The following KDM2A variants were observed in gnomAD, a reference collection of about 807,000 sequenced individuals.
The protein encoded by KDM2A is lysine-specific demethylase 2A.
Under a neutral mutation model 137.3 loss-of-function variants are expected in KDM2A, and 3 were observed. That is an observed-to-expected ratio of 0.02 (90% CI 0.01 to 0.06). The LOEUF (loss-of-function observed/expected upper bound fraction) is 0.06. Ranked by LOEUF, KDM2A falls within the 10% of genes least tolerant of loss-of-function variation. The pLI, the probability that KDM2A is intolerant of heterozygous loss-of-function variation, is 1.00. For missense variants in KDM2A, 738 were observed against 1,510.6 expected, an observed-to-expected ratio of 0.49 and a Z score of 8.48; for synonymous variants, 512 against 541.5, an observed-to-expected ratio of 0.95 and a Z score of 0.76.
chr11:67,191,765 AG>A (rs1857360115), intron 5 of KDM2A, among the ~76,000 whole-genome samples: 1 of 152,238 alleles, frequency 6.6e-6, no homozygotes, highest in South Asian at 2.1e-4. Flanking sequence ...AAAGCATTTA[AG>A]ATCAGGAACA....
chr11:67,187,373 A>G (rs2136344351), intron 5 of KDM2A, among the ~76,000 whole-genome samples: 1 of 152,240 alleles, frequency 6.6e-6, no homozygotes, highest in Non-Finnish European at 1.5e-5. Flanking sequence ...ATGGATAAAA[A>G]TGGCATGACA....
intron 2 of KDM2A, among the ~76,000 whole-genome samples, chr11:67,128,759 T>G (rs1855786865): frequency 6.6e-6 from 1 of 152,238 alleles, no homozygotes; most frequent in African/African-American, 2.4e-5. Context: ...AGTATAAGCT[T>G]CTTGAGAGTT....
intron 10 of KDM2A, among the ~76,000 whole-genome samples, chr11:67,222,295 C>T (rs1590801217): frequency 2.8e-5 from 2 of 71,170 alleles, no homozygotes; most frequent in Admixed American, 3.1e-4. Context: ...ATGCTGCCTT[C>T]AAGCATCTGT....
intron 12 of KDM2A, chr11:67,240,501 C>A (rs774690714): frequency 1.6e-4 from 119 of 752,504 alleles, no homozygotes; most frequent in Non-Finnish European, 2.4e-4. Context: ...CTTCGTGTTG[C>A]TTGAGCCGTC....
At chr11:67,170,390 T>G (rs1291448006) in intron 2 of KDM2A, among the ~76,000 whole-genome samples, 1 of 149,956 alleles carries the variant, frequency 6.7e-6, no homozygotes, top group Admixed American at 6.6e-5. Context: ...GCATGGGGTT[T>G]TTTTTTTTTC....
Position 67,158,572 on chromosome 11 carries a change from T to G in KDM2A, c.43-21507T>G, listed in dbSNP as rs559159197. Among the ~76,000 whole-genome samples the G allele has an allele frequency of 6.6e-5, 10 of 152,344 alleles. No individual in the cohort carries two copies. In the East Asian group the frequency reaches 1.3e-3, roughly 21 times the overall value. On this transcript the variant is annotated intron_variant, in intron 2 of 20. Coordinates refer to ENST00000529006, the MANE Select transcript of KDM2A (RefSeq NM_012308.3). ...TTTACCTCCTTGCCAGCATTTGGTG[T>G]TGTATTTTCAATTTTGACCGTTGTG...
Position 67,168,951 on chromosome 11 carries a change from G to GT in KDM2A, c.43-11106dup, listed in dbSNP as rs11335055. ...CAAAGATTCAGATTTAATCCATGTAGTTTTTTTTTTTTTTTTTTTTTTGAG... is the reference window on the plus strand; with the variant it reads ...CAAAGATTCAGATTTAATCCATGTAGTTTTTTTTTTTTTTTTTTTTTTTGAG... On this transcript the variant is annotated intron_variant, in intron 2 of 20. Transcript: ENST00000529006. Among the ~76,000 whole-genome samples the GT allele has an allele frequency of 3.8e-3, 235 of 62,174 alleles. 2 individuals are homozygous for GT. The highest frequency in any genetic ancestry group is 0.011 in the African/African-American group (177 of 16,544). 40.8% of individuals were successfully genotyped at this position (62,174 alleles called of 152,430 possible).
rs1313502765 is a variant in KDM2A at position 67,250,837 on chromosome 11, G to C, written c.2768+39G>C. On this transcript the variant is annotated intron_variant, in intron 17 of 20. Coordinates refer to ENST00000529006, the MANE Select transcript of KDM2A (RefSeq NM_012308.3). This position sits in a 1 kb window ranked among gnomAD's most constrained non-coding sequence, Gnocchi z 7.1. ...CAGGGGGTCAGGAATTAGGGGTATGGGAGTAGGTGGCAGGTTTTCCATATG... is the reference window on the plus strand; with the variant it reads ...CAGGGGGTCAGGAATTAGGGGTATGCGAGTAGGTGGCAGGTTTTCCATATG... 1 of 1,454,586 alleles carries C rather than the reference G, an allele frequency of 6.9e-7. No homozygotes were observed. Among genetic ancestry groups the C allele is most frequent in the Non-Finnish European group, 9.3e-7 (1 of 1,077,796 alleles). 90.1% of individuals were successfully genotyped at this position (1,454,586 alleles called of 1,614,324 possible).
intron 10 of KDM2A, among the ~76,000 whole-genome samples, chr11:67,224,828 ATTTTTTTT>A (rs764581976): frequency 6.0e-5 from 4 of 66,300 alleles, no homozygotes; most frequent in African/African-American, 8.3e-5. Flanking sequence ...CAGCTGCAGC[ATTTTTTTT>A]TTTTTTTTTT....
chr11:67,134,045 T>G (rs1315389125), intron 2 of KDM2A, among the ~76,000 whole-genome samples: 1 of 152,206 alleles, frequency 6.6e-6, no homozygotes, highest in African/African-American at 2.4e-5. Context: ...AGTTGTACAG[T>G]GTGCTTTCTG....
At chr11:67,170,615 A>G (rs1440503080) in intron 2 of KDM2A, among the ~76,000 whole-genome samples, 6 of 151,798 alleles carry the variant, frequency 4.0e-5, no homozygotes, top group Non-Finnish European at 8.8e-5. Flanking sequence ...GGGTTTCACC[A>G]TGTTAGCCAG....
chr11:67,185,637 CAAAAA>C (rs35825424), intron 5 of KDM2A, among the ~76,000 whole-genome samples: 1 of 102,620 alleles, frequency 9.7e-6, no homozygotes, highest in Non-Finnish European at 2.1e-5. Flanking sequence ...AACTCTGTCG[CAAAAA>C]AAAAAAAAAA....
At position 67,245,879 on chromosome 11, in the gene KDM2A, T is replaced by G; in HGVS notation, c.1834-106T>G. 7.6e-7 allele frequency: 1 copy of G among 1,320,684 alleles called. No individual in the cohort carries two copies. Among genetic ancestry groups the G allele is most frequent in the Non-Finnish European group, 1.1e-6 (1 of 950,948 alleles). The allele number at this position is 1,320,684 out of a possible 1,614,324, so 81.8% of individuals were successfully genotyped here. On this transcript the variant is annotated intron_variant, in intron 14 of 20. Transcript: ENST00000529006. This position sits in a 1 kb window ranked among gnomAD's most constrained non-coding sequence, Gnocchi z 4.1. ...CCCTGCCTCCATGCTTCCAGGTGTT[T>G]AGTAGAGAATTATAGGACCCAAATC...
rs1397547890 is a variant in KDM2A at position 67,245,824 on chromosome 11, T to G, written c.1834-161T>G. The G allele has an allele frequency of 1.2e-6, 1 of 814,068 alleles. No homozygotes were observed. The highest frequency in any genetic ancestry group is 1.9e-6 in the Non-Finnish European group (1 of 532,330). 50.4% of individuals were successfully genotyped at this position (814,068 alleles called of 1,614,324 possible). On this transcript the variant is annotated intron_variant, in intron 14 of 20. Coordinates refer to ENST00000529006, the MANE Select transcript of KDM2A (RefSeq NM_012308.3). This position sits in a 1 kb window ranked among gnomAD's most constrained non-coding sequence, Gnocchi z 4.1. ...TTGAGTCCTCCTCTTCCCCAGTCAT[T>G]TTTCCTACCCAAAACCTCCGTTCTC...
intron 2 of KDM2A, among the ~76,000 whole-genome samples, chr11:67,136,317 A>G (rs1487837817): frequency 6.6e-6 from 1 of 152,218 alleles, no homozygotes; most frequent in Admixed American, 6.6e-5. Context: ...GATTCAAAGT[A>G]AACAGTCTGG....
intron 4 of KDM2A, 131 bp downstream of exon 4, chr11:67,181,529 A>G (rs1685643545): frequency 7.8e-6 from 5 of 637,972 alleles, no homozygotes; most frequent in Non-Finnish European, 1.3e-5. Context: ...TTTTAAAAGT[A>G]TATGCTTTTC....
rs376554175 is a variant in KDM2A, at chr11:67,254,425, C to T, written c.3307+7C>T. 8.7e-5 allele frequency: 140 copies of T among 1,612,308 alleles called. No individual in the cohort carries two copies. Among genetic ancestry groups the T allele is most frequent in the Non-Finnish European group, 1.1e-4 (131 of 1,178,562 alleles). On this transcript the variant is annotated splice_region_variant and intron_variant, in intron 20 of 20. Coordinates refer to ENST00000529006, the MANE Select transcript of KDM2A (RefSeq NM_012308.3). This position sits in a 1 kb window ranked among gnomAD's most constrained non-coding sequence, Gnocchi z 4.7. The stretch of plus-strand genomic sequence containing the variant: ...ACAGAGCTCAATATGGCAGGTATGC[C>T]GCTACAGTTGTTCATAATCAGCGGT...
chr11:67,186,916 T>C (rs990749624), intron 5 of KDM2A, among the ~76,000 whole-genome samples: 1 of 152,092 alleles, frequency 6.6e-6, no homozygotes, highest in East Asian at 1.9e-4. Context: ...ACCCCATGAA[T>C]GAATGAATGA....
chr11:67,231,485 C>T (rs1035856013), intron 11 of KDM2A, 81 bp from the exon 12 acceptor site: 1 of 1,278,530 alleles, frequency 7.8e-7, no homozygotes, highest in Admixed American at 2.8e-5. Context: ...GCCTCAAGGC[C>T]CCTATCATGC....
Sources: allele counts gnomAD v4.1 joint callset (sites outside exome capture counted in the v4.1 genomes callset), GRCh38; gene constraint gnomAD v4.1.1; non-coding constraint Gnocchi (gnomAD v3.1); transcripts MANE v1.5; gene names NCBI Gene and HGNC (gene_info 2026-07-23, HGNC 2026-07-21).